Variants in COL15A1 observed in about 807,000 individuals in gnomAD.
COL15A1 encodes the protein collagen alpha-1(XV) chain.
A neutral mutation model predicts 165.9 loss-of-function variants in COL15A1; 111 were observed. That is an observed-to-expected ratio of 0.67 (90% CI 0.57 to 0.78). COL15A1 has a LOEUF of 0.78. COL15A1 is among the 30% of genes least tolerant of loss of function. The pLI is 0.00. For synonymous variants in COL15A1, 659 were observed against 674.8 expected (o/e 0.98, Z 0.36); for missense variants, 1,745 against 1,789.7 (o/e 0.98, Z 0.45).
intron 36 of COL15A1, among the ~76,000 whole-genome samples, chr9:99,061,076 A>C (rs950159851): frequency 3.9e-5 from 6 of 152,194 alleles, no homozygotes; most frequent in African/African-American, 7.2e-5. Flanking sequence ...GCACAGAAAA[A>C]TGGACAAATA....
intron 5 of COL15A1, among the ~76,000 whole-genome samples, chr9:98,995,156 T>A (rs1838522459): frequency 6.6e-6 from 1 of 152,110 alleles, no homozygotes; most frequent in Non-Finnish European, 1.5e-5. Context: ...TCTGCCTTGA[T>A]CCCTCACAGG....
At chr9:99,038,832 A>C (rs1266803517) in intron 22 of COL15A1, 99 bp downstream of exon 22, 1 of 752,212 alleles carries the variant, frequency 1.3e-6, no homozygotes, top group Non-Finnish European at 2.4e-6. Flanking sequence ...CCTGAAGCGT[A>C]GAGCTAGAAT....
chr9:99,021,690 T>A (rs1839029679), intron 12 of COL15A1, among the ~76,000 whole-genome samples: 1 of 152,198 alleles, frequency 6.6e-6, no homozygotes, highest in African/African-American at 2.4e-5. Context: ...AGCAATGATG[T>A]TCCTGTAAAG....
Position 99,004,897 on chromosome 9 carries a change from G to A in COL15A1, c.1201-1G>A, listed in dbSNP as rs1838729798. 6.2e-7 allele frequency: 1 copy of A among 1,614,008 alleles called. No individual in the cohort carries two copies. Among genetic ancestry groups the A allele is most frequent in the Non-Finnish European group, 8.5e-7 (1 of 1,179,916 alleles). ...GCGGTTCCTGTTGACTTTCTATTCA[G>A]GGTCCAGATAATGAAGAGCGTTTAG... On this transcript the variant is annotated splice_acceptor_variant, in intron 8 of 41. Coordinates refer to ENST00000375001, the MANE Select transcript of COL15A1 (RefSeq NM_001855.5). LOFTEE classifies it high-confidence loss of function.
Position 99,070,331 on chromosome 9 carries a change from C to T in COL15A1, c.*445C>T, listed in dbSNP as rs1825964926. 3.0e-5 allele frequency: 7 copies of T among 236,620 alleles called. No individual in the cohort carries two copies. The highest frequency in any genetic ancestry group is 5.1e-5 in the Non-Finnish European group (6 of 117,424). 14.7% of individuals were successfully genotyped at this position (236,620 alleles called of 1,614,324 possible). ...ACAGATCAAATGCTTTTTTCTTTCA[C>T]GTACATCCATCATTTGCAACTGCTG... On this transcript the variant is annotated 3_prime_UTR_variant, in exon 42 of 42. Transcript: ENST00000375001.
At chr9:99,021,887 C>A (rs574016027) in intron 12 of COL15A1, among the ~76,000 whole-genome samples, 1 of 152,342 alleles carries the variant, frequency 6.6e-6, no homozygotes, top group South Asian at 2.1e-4. Flanking sequence ...ACAGCCTGTG[C>A]CCTCCAAGTA....
intron 2 of COL15A1, among the ~76,000 whole-genome samples, chr9:98,984,466 T>G (rs888440622): frequency 6.6e-6 from 1 of 152,244 alleles, no homozygotes; most frequent in Non-Finnish European, 1.5e-5. Context: ...GAAACCTGCA[T>G]GCAACTTACC....
chr9:99,039,244 C>T lies in COL15A1; in HGVS notation c.2475+511C>T, dbSNP rs144378236. On this transcript the variant is annotated intron_variant, in intron 22 of 41. Transcript: ENST00000375001. ...CATTATTTTTGGCCAGAAGTGGTGG[C>T]TCACGCCTGTAATCCCAACACTTTG... Among the ~76,000 whole-genome samples the T allele has an allele frequency of 2.9e-4, 44 of 152,310 alleles. No homozygotes were observed. In the East Asian group the frequency reaches 6.0e-3, roughly 21 times the overall value.
chr9:99,046,206 C>G (rs760402283), intron 26 of COL15A1, among the ~76,000 whole-genome samples: 12 of 152,238 alleles, frequency 7.9e-5, no homozygotes, highest in Non-Finnish European at 1.5e-4. Flanking sequence ...GCACCTTCTT[C>G]TAATTTGCAT....
intron 30 of COL15A1, among the ~76,000 whole-genome samples, chr9:99,050,554 G>A (rs1839571736): frequency 6.6e-6 from 1 of 152,250 alleles, no homozygotes; most frequent in South Asian, 2.1e-4. Context: ...CCCACAGGAA[G>A]AGAGTCAGAT....
chr9:99,011,865 A>G (rs1838852254), intron 9 of COL15A1, among the ~76,000 whole-genome samples: 1 of 152,226 alleles, frequency 6.6e-6, no homozygotes. Flanking sequence ...CAACCATTTT[A>G]TAGCCTGTGA....
Position 99,044,766 on chromosome 9 carries a change from C to G in COL15A1, c.2675C>G (p.Pro892Arg). 2 of 1,613,178 alleles carry G rather than the reference C, an allele frequency of 1.2e-6. No individual in the cohort carries two copies. Among genetic ancestry groups the G allele is most frequent in the Non-Finnish European group, 1.7e-6 (2 of 1,179,184 alleles). Residue 892 changes from proline to arginine, a missense_variant, in exon 26 of 42, where the codon CCA (proline) becomes CGA (arginine). Coordinates refer to ENST00000375001, the MANE Select transcript of COL15A1 (RefSeq NM_001855.5). ...CCTGGAATGCATGGAGCCCCAGGAC[C>G]AATGGTAAGTCAGAGCGTCTCTCAG... The part of the protein sequence containing the change: ...GEPGMHGAPG[P>R]MGPKGPPGHK...
At chr9:99,038,559 T>C in intron 21 of COL15A1, 109 bp from the exon 22 acceptor site, 1 of 709,462 alleles carries the variant, frequency 1.4e-6, no homozygotes, top group African/African-American at 1.7e-5. Context: ...GTTCTCAGTG[T>C]CTGCGGTGTT....
chr9:99,062,013 C>T lies in COL15A1; in HGVS notation c.3445C>T (p.His1149Tyr), dbSNP rs755450589. Residue 1149 changes from histidine (H) to tyrosine (Y), a missense_variant, in exon 37 of 42, where the codon CAT (histidine) becomes TAT (tyrosine). Transcript: ENST00000375001. The part of the protein sequence containing the change: ...SNMDDMLQKA[H>Y]LVIEGTFIYL... ...CATGGATGACATGCTGCAGAAAGCG[C>T]ATTTGGTTATAGAAGGAACATTCAT... 6.2e-6 allele frequency: 10 copies of T among 1,613,948 alleles called. No individual in the cohort carries two copies. The South Asian group carries it at 6.6e-5, about 11-fold the overall frequency.
At chr9:98,971,143 G>C (rs1468811574) in intron 2 of COL15A1, among the ~76,000 whole-genome samples, 2 of 152,132 alleles carry the variant, frequency 1.3e-5, no homozygotes, top group South Asian at 2.1e-4. Flanking sequence ...CCTGGTCTAT[G>C]TGTCTACACT....
chr9:99,044,821 T>A (rs1318764422), intron 26 of COL15A1, 51 bp downstream of exon 26: 1 of 1,535,770 alleles, frequency 6.5e-7, no homozygotes, highest in Non-Finnish European at 9.0e-7. Flanking sequence ...TGAAGCATTT[T>A]TCATACTTTG....
intron 13 of COL15A1, among the ~76,000 whole-genome samples, chr9:99,023,079 G>A (rs898025069): frequency 1.3e-5 from 2 of 152,170 alleles, no homozygotes; most frequent in African/African-American, 4.8e-5. Flanking sequence ...CTTCGTGTAG[G>A]AGGAGACTGC....
At chr9:99,069,547 A>G (rs887517946) in intron 41 of COL15A1, 126 bp from the exon 42 acceptor site, 32 of 1,224,498 alleles carry the variant, frequency 2.6e-5, no homozygotes, top group Non-Finnish European at 3.7e-5. Context: ...ATGAGGATAG[A>G]GAAGTGATTT....
intron 35 of COL15A1, among the ~76,000 whole-genome samples, chr9:99,057,484 A>G (rs970577672): frequency 2.0e-5 from 3 of 152,188 alleles, no homozygotes; most frequent in Non-Finnish European, 2.9e-5. Flanking sequence ...GAAAATCTCT[A>G]TGTAATGAGC....
Sources: gnomAD v4.1 joint callset for allele counts (sites outside exome capture counted in the v4.1 genomes callset) on GRCh38, gnomAD v4.1.1 for gene constraint, MANE v1.5 for transcripts, NCBI Gene and HGNC (gene_info 2026-07-23, HGNC 2026-07-21) for gene names.